Variants in CNTN5 observed in about 807,000 individuals in gnomAD.
CNTN5 encodes the protein contactin-5.
In CNTN5, 77 loss-of-function variants were observed where a neutral mutation model predicts 129.1. The observed-to-expected ratio is 0.60, with a 90% confidence interval of 0.50 to 0.72. CNTN5 has a LOEUF of 0.72. CNTN5 is among the 30% of genes least tolerant of loss of function. The pLI is 0.00. For missense variants in CNTN5, 1,478 were observed against 1,328.8 expected (o/e 1.11, Z -1.75); for synonymous variants, 509 against 465.6 (o/e 1.09, Z -1.20).
chr11:99,447,989 T>C (rs2135178011), intron 2 of CNTN5, among the ~76,000 whole-genome samples: 1 of 152,284 alleles, frequency 6.6e-6, no homozygotes, highest in South Asian at 2.1e-4. Flanking sequence ...GTCAATTCAT[T>C]ATTGTAGAGA....
intron 1 of CNTN5, among the ~76,000 whole-genome samples, chr11:99,045,241 T>G (rs1864160199): frequency 1.3e-5 from 2 of 152,200 alleles, no homozygotes; most frequent in South Asian, 4.1e-4. Flanking sequence ...ATCTTTTGAT[T>G]TCAATTACAA....
chr11:99,097,582 G>T (rs1866533343), intron 1 of CNTN5, among the ~76,000 whole-genome samples: 1 of 151,796 alleles, frequency 6.6e-6, no homozygotes, highest in African/African-American at 2.4e-5. Context: ...TTCATATTTT[G>T]AGTTATAAAA....
At chr11:100,066,756 C>T (rs1394083265) in intron 10 of CNTN5, among the ~76,000 whole-genome samples, 1 of 150,430 alleles carries the variant, frequency 6.6e-6, no homozygotes, top group Non-Finnish European at 1.5e-5. Context: ...ATGCAGACCA[C>T]GTCTTGGCAT....
chr11:99,339,470 G>T (rs1866408810), intron 2 of CNTN5, among the ~76,000 whole-genome samples: 1 of 152,012 alleles, frequency 6.6e-6, no homozygotes, highest in Admixed American at 6.6e-5. Context: ...GGTGACAGAA[G>T]GGACATCAGG....
At chr11:99,449,657 T>C (rs1467558182) in intron 2 of CNTN5, among the ~76,000 whole-genome samples, 3 of 152,164 alleles carry the variant, frequency 2.0e-5, no homozygotes, top group Admixed American at 6.5e-5. Context: ...TTGGTAGCCT[T>C]TAGATGGAGG....
intron 1 of CNTN5, among the ~76,000 whole-genome samples, chr11:99,160,422 C>T (rs767913589): frequency 3.3e-5 from 5 of 152,150 alleles, no homozygotes; most frequent in Non-Finnish European, 7.4e-5. Context: ...TACCTCTTTC[C>T]ATCATCCTAA....
chr11:99,827,377 C>G (rs985196660), intron 4 of CNTN5, among the ~76,000 whole-genome samples: 1 of 152,224 alleles, frequency 6.6e-6, no homozygotes, highest in African/African-American at 2.4e-5. Flanking sequence ...GCATGAGCCA[C>G]TGTGCCCAGC....
chr11:100,227,211 T>A (rs1686768072), intron 16 of CNTN5, among the ~76,000 whole-genome samples: 1 of 152,122 alleles, frequency 6.6e-6, no homozygotes, highest in South Asian at 2.1e-4. Context: ...AGGGAAAAAA[T>A]CTATGTTCTC....
intron 3 of CNTN5, among the ~76,000 whole-genome samples, chr11:99,792,178 G>A (rs375684255): frequency 6.6e-6 from 1 of 152,060 alleles, no homozygotes; most frequent in Non-Finnish European, 1.5e-5. Flanking sequence ...CCTCGTTCCA[G>A]TTCTCAAGGG....
At chr11:99,212,239 T>C (rs1859839484) in intron 1 of CNTN5, among the ~76,000 whole-genome samples, 1 of 152,150 alleles carries the variant, frequency 6.6e-6, no homozygotes, top group African/African-American at 2.4e-5. Flanking sequence ...TAAAAACTTA[T>C]ACAGAGTGCC....
chr11:99,330,031 T>C (rs1193126402), intron 2 of CNTN5, among the ~76,000 whole-genome samples: 1 of 150,464 alleles, frequency 6.6e-6, no homozygotes, highest in Non-Finnish European at 1.5e-5. Context: ...ATAAGTAGCA[T>C]ACATTTTTAA....
intron 3 of CNTN5, among the ~76,000 whole-genome samples, chr11:99,557,687 A>C (rs74844188): frequency 0.02 from 3,039 of 151,768 alleles, 110 homozygotes; most frequent in African/African-American, 0.069. Context: ...CAAAAGTATA[A>C]CTTCAATTAT....
chr11:100,055,555 A>G (rs1165096313), intron 9 of CNTN5, among the ~76,000 whole-genome samples: 1 of 149,054 alleles, frequency 6.7e-6, no homozygotes, highest in African/African-American at 2.5e-5. Flanking sequence ...ACAGGATACA[A>G]AATTATTAGT....
intron 6 of CNTN5, among the ~76,000 whole-genome samples, chr11:99,848,220 A>T (rs1264119559): frequency 1.3e-5 from 2 of 152,290 alleles, no homozygotes; most frequent in East Asian, 3.9e-4. Context: ...AAAACAAAAC[A>T]AAACAAACAA....
chr11:99,409,898 A>G (rs924080745), intron 2 of CNTN5, among the ~76,000 whole-genome samples: 3 of 152,230 alleles, frequency 2.0e-5, no homozygotes, highest in Non-Finnish European at 4.4e-5. Context: ...AATTGTCATT[A>G]AGACACAAAG....
At chr11:99,581,465 C>G (rs1217645971) in intron 3 of CNTN5, among the ~76,000 whole-genome samples, 2 of 148,220 alleles carry the variant, frequency 1.3e-5, no homozygotes, top group Non-Finnish European at 3.0e-5. Context: ...GTGTGGGAGT[C>G]TAAGTCTCTT....
chr11:99,538,573 G>A (rs137893424), intron 2 of CNTN5, among the ~76,000 whole-genome samples: 4 of 152,100 alleles, frequency 2.6e-5, no homozygotes, highest in African/African-American at 7.2e-5. Context: ...TATAATCCTC[G>A]TCAATTTGTT....
At chr11:99,289,123 G>A (rs930109354) in intron 1 of CNTN5, among the ~76,000 whole-genome samples, 2 of 151,706 alleles carry the variant, frequency 1.3e-5, no homozygotes, top group East Asian at 3.9e-4. Context: ...TAGTTTTTCA[G>A]AGTTACTATG....
chr11:99,899,737 G>T (rs1949304652), intron 6 of CNTN5, among the ~76,000 whole-genome samples: 1 of 151,996 alleles, frequency 6.6e-6, no homozygotes. Flanking sequence ...GGTGATACAG[G>T]ATTTGTAGAG....
Sources: allele counts gnomAD v4.1 joint callset (sites outside exome capture counted in the v4.1 genomes callset), GRCh38; gene constraint gnomAD v4.1.1; transcripts MANE v1.5; gene names NCBI Gene and HGNC (gene_info 2026-07-23, HGNC 2026-07-21).